LRRC1: variants seen among roughly 807,000 people sequenced by gnomAD.
LRRC1 encodes leucine-rich repeat-containing protein 1.
In LRRC1, 28 loss-of-function variants were observed where a neutral mutation model predicts 69.9. That is an observed-to-expected ratio of 0.40 (90% CI 0.30 to 0.55). The LOEUF is 0.55. Ranked by LOEUF, LRRC1 falls within the 20% of genes least tolerant of loss-of-function variation. The probability of loss-of-function intolerance (pLI) is 0.47; values close to 1 mark genes in which losing one functional copy is unlikely to be tolerated. For missense variants in LRRC1, 498 were observed against 609.0 expected, an observed-to-expected ratio of 0.82 and a Z score of 1.92; for synonymous variants, 236 against 240.2, an observed-to-expected ratio of 0.98 and a Z score of 0.16.
At chr6:53,879,855 A>T (rs1182907430) in intron 3 of LRRC1, among the ~76,000 whole-genome samples, 1 of 152,046 alleles carries the variant, frequency 6.6e-6, no homozygotes, top group Non-Finnish European at 1.5e-5. Context: ...TCGTGAGTCC[A>T]CTCACCATGG....
At chr6:53,900,827 T>A (rs1346670211) in intron 8 of LRRC1, among the ~76,000 whole-genome samples, 3 of 152,222 alleles carry the variant, frequency 2.0e-5, no homozygotes, top group South Asian at 4.1e-4. Flanking sequence ...AAAGCCACTT[T>A]GAAGTTGAAA....
intron 2 of LRRC1, among the ~76,000 whole-genome samples, chr6:53,845,138 A>C (rs1765902577): frequency 6.6e-6 from 1 of 152,224 alleles, no homozygotes; most frequent in Non-Finnish European, 1.5e-5. Context: ...CGGGAGGTGG[A>C]GGTTGCAGTG....
chr6:53,864,613 T>G (rs1766636581), intron 2 of LRRC1, among the ~76,000 whole-genome samples: 1 of 152,180 alleles, frequency 6.6e-6, no homozygotes, highest in Non-Finnish European at 1.5e-5. Context: ...TTAATGGGAC[T>G]CCTGCTATCT....
In LRRC1 at chr6:53,896,775, T is replaced by G. The variant is rs1193589931; in HGVS notation, c.504-54T>G. The G allele has an allele frequency of 6.0e-6, 7 of 1,176,164 alleles. No individual in the cohort carries two copies. The East Asian group carries it at 1.6e-4, about 27-fold the overall frequency. 72.9% of individuals were successfully genotyped at this position (1,176,164 alleles called of 1,614,324 possible). The stretch of plus-strand genomic sequence containing the variant: ...CTAGTCCAAGTGAGGGATACTATAT[T>G]GCTCAGCATTTCTAAGTATTCTCTA... On this transcript the variant is annotated intron_variant, in intron 5 of 13. Transcript: ENST00000370888.
intron 1 of LRRC1, among the ~76,000 whole-genome samples, chr6:53,809,713 C>A (rs1764736351): frequency 6.6e-6 from 1 of 152,200 alleles, no homozygotes; most frequent in Admixed American, 6.5e-5. Context: ...CAGGTAACTT[C>A]TGTGGTTTCA....
At chr6:53,916,707 A>C (rs2127442360) in intron 11 of LRRC1, among the ~76,000 whole-genome samples, 1 of 152,328 alleles carries the variant, frequency 6.6e-6, no homozygotes, top group African/African-American at 2.4e-5. Context: ...GCTTAAAACT[A>C]AAAATTCTAG....
intron 1 of LRRC1, among the ~76,000 whole-genome samples, chr6:53,839,008 GTTTTCT>G: frequency 6.6e-6 from 1 of 151,876 alleles, no homozygotes; most frequent in Non-Finnish European, 1.5e-5. Flanking sequence ...CAGCAATTTT[GTTTTCT>G]TTTTAAGTTA....
chr6:53,834,275 T>C (rs765161516), intron 1 of LRRC1, among the ~76,000 whole-genome samples: 1 of 152,224 alleles, frequency 6.6e-6, no homozygotes, highest in Non-Finnish European at 1.5e-5. Context: ...ATGTCTACTC[T>C]CTCTGTCTGG....
chr6:53,819,113 A>G (rs1765040161), intron 1 of LRRC1, among the ~76,000 whole-genome samples: 1 of 152,204 alleles, frequency 6.6e-6, no homozygotes, highest in Non-Finnish European at 1.5e-5. Flanking sequence ...TATAAATGCC[A>G]AGAGCTGTGG....
intron 4 of LRRC1, chr6:53,883,825 G>A: frequency 1.5e-6 from 1 of 681,224 alleles, no homozygotes; most frequent in Non-Finnish European, 2.7e-6. Flanking sequence ...ACAGAAACTT[G>A]CTCTTTGAGA....
At chr6:53,864,917 C>A (rs1485870112) in intron 2 of LRRC1, among the ~76,000 whole-genome samples, 1 of 152,078 alleles carries the variant, frequency 6.6e-6, no homozygotes, top group East Asian at 1.9e-4. Flanking sequence ...AGTTGGAAAG[C>A]AATTCCAGAT....
Position 53,923,682 on chromosome 6 carries a change from T to C in LRRC1, c.*889T>C, listed in dbSNP as rs1768804642. 1 of 152,652 alleles carries C rather than the reference T, an allele frequency of 6.6e-6. No individual in the cohort carries two copies. Among genetic ancestry groups the C allele is most frequent in the Non-Finnish European group, 1.5e-5 (1 of 68,042 alleles). 9.5% of individuals were successfully genotyped at this position (152,652 alleles called of 1,614,324 possible). A position where few individuals can be genotyped will look rare whatever the true frequency, so the allele number is the denominator to read the frequency against. ...CAGTGTCAGACTGTGCCTACTCTGA[T>C]GGTATGTGCCATTTGTAAAATAAAA... On this transcript the variant is annotated 3_prime_UTR_variant, in exon 14 of 14. Coordinates refer to ENST00000370888, the MANE Select transcript of LRRC1 (RefSeq NM_018214.5).
intron 1 of LRRC1, among the ~76,000 whole-genome samples, chr6:53,805,522 T>C (rs926290979): frequency 1.7e-4 from 26 of 152,304 alleles, no homozygotes; most frequent in Admixed American, 1.6e-3. Context: ...ATCCTCTTAC[T>C]TGAAGATGAA....
At chr6:53,809,984 C>G (rs1355436600) in intron 1 of LRRC1, among the ~76,000 whole-genome samples, 1 of 152,220 alleles carries the variant, frequency 6.6e-6, no homozygotes, top group African/African-American at 2.4e-5. Flanking sequence ...CCAGCCCTGG[C>G]CACCAGCAAG....
chr6:53,886,358 A>G (rs1213978285), intron 4 of LRRC1, among the ~76,000 whole-genome samples: 2 of 152,218 alleles, frequency 1.3e-5, no homozygotes, highest in Non-Finnish European at 2.9e-5. Context: ...TGAGCTATAC[A>G]TACATTTAAG....
intron 1 of LRRC1, among the ~76,000 whole-genome samples, chr6:53,795,695 T>C (rs1440587593): frequency 2.0e-5 from 3 of 152,212 alleles, no homozygotes; most frequent in African/African-American, 4.8e-5. Context: ...CTTAGATCCA[T>C]GCTAGGTACT....
rs112210798 is a variant in LRRC1, at chr6:53,872,470, G to C, written c.278-6523G>C. Among the ~76,000 whole-genome samples the C allele has an allele frequency of 8.6e-3, 1,307 of 152,018 alleles. 15 individuals are homozygous for C. Among genetic ancestry groups the C allele is most frequent in the African/African-American group, 0.029 (1,196 of 41,466 alleles). ...TTCTATGCTAGTACCATACTGTTTT[G>C]GTTACTATTGCTTTGTAGTATGGTA... On this transcript the variant is annotated intron_variant, in intron 2 of 13. Transcript: ENST00000370888.
At chr6:53,917,460 A>T (rs534862279) in intron 11 of LRRC1, among the ~76,000 whole-genome samples, 37 of 152,354 alleles carry the variant, frequency 2.4e-4, no homozygotes, top group African/African-American at 8.7e-4. Flanking sequence ...GTAGAGTCTA[A>T]TAATTTATTT....
chr6:53,819,101 A>T (rs1022659749), intron 1 of LRRC1, among the ~76,000 whole-genome samples: 2 of 152,210 alleles, frequency 1.3e-5, no homozygotes, highest in Non-Finnish European at 2.9e-5. Flanking sequence ...GGGATCGGAA[A>T]CTATAAATGC....
Sources: gnomAD v4.1 joint callset for allele counts (sites outside exome capture counted in the v4.1 genomes callset) on GRCh38, gnomAD v4.1.1 for gene constraint, MANE v1.5 for transcripts, NCBI Gene and HGNC (gene_info 2026-07-23, HGNC 2026-07-21) for gene names.